The following ANKRD9 variants were observed in gnomAD, a reference collection of about 807,000 sequenced individuals.
ANKRD9 encodes the protein ankyrin repeat domain-containing protein 9.
Under a neutral mutation model 19.2 loss-of-function variants are expected in ANKRD9, and 13 were observed. That is an observed-to-expected ratio of 0.68 (90% CI 0.44 to 1.08). ANKRD9 has a LOEUF of 1.08. Ranked by LOEUF, ANKRD9 falls within the 50% of genes least tolerant of loss-of-function variation. The pLI, the probability that ANKRD9 is intolerant of heterozygous loss-of-function variation, is 0.00. For synonymous variants in ANKRD9, 278 were observed against 256.8 expected (o/e 1.08, Z -0.79); for missense variants, 518 against 499.9 (o/e 1.04, Z -0.34).
Position 102,507,233 on chromosome 14 carries a change from T to G in ANKRD9, c.657A>C (p.Ser219=), listed in dbSNP as rs1240638261. The G allele has an allele frequency of 4.8e-6, 6 of 1,253,686 alleles. No homozygotes were observed. The Admixed American group carries it at 2.7e-4, about 56-fold the overall frequency. The allele number at this position is 1,253,686 out of a possible 1,614,324, so 77.7% of individuals were successfully genotyped here. A position where few individuals can be genotyped will look rare whatever the true frequency, so the allele number is the denominator to read the frequency against. The change falls in exon 4 of 4, where the codon TCA becomes TCC. Residue 219 remains serine, a synonymous_variant. Coordinates refer to ENST00000286918, the MANE Select transcript of ANKRD9 (RefSeq NM_152326.4). The surrounding 1 kb of genome is among the most constrained non-coding windows in gnomAD (Gnocchi z 9.2). ...GGCGCTGGCGCGGCTCCCCGGGAGC[T>G]GAGGCGGGGGCTCCGGCGGCGGAGG... ...ATPSAAGAPA[S]APGEPRQRRL... is the part of the protein sequence containing the mutation.
In ANKRD9 at chr14:102,507,693, C is replaced by A; in HGVS notation, c.197G>T (p.Arg66Leu). 3.9e-6 allele frequency: 6 copies of A among 1,546,252 alleles called. No individual in the cohort carries two copies. Among genetic ancestry groups the A allele is most frequent in the Non-Finnish European group, 5.2e-6 (6 of 1,152,108 alleles). Residue 66 changes from arginine to leucine, a missense_variant, in exon 4 of 4, where the codon CGC becomes CTC. Coordinates refer to ENST00000286918, the MANE Select transcript of ANKRD9 (RefSeq NM_152326.4). This position sits in a 1 kb window ranked among gnomAD's most constrained non-coding sequence, Gnocchi z 9.2. ...SEAFHWDERG[R>L]AAAYSPSEAL... The stretch of plus-strand genomic sequence containing the variant: ...CTCAGAGGGCGAGTAGGCGGCGGCG[C>A]GCCCGCGCTCGTCCCAGTGGAAGGC...
In ANKRD9 at chr14:102,506,907, C is replaced by T; in HGVS notation, c.*29G>A. 1.4e-6 allele frequency: 2 copies of T among 1,437,140 alleles called. No homozygotes were observed. The highest frequency in any genetic ancestry group is 1.5e-5 in the South Asian group (1 of 66,600). 89.0% of individuals were successfully genotyped at this position (1,437,140 alleles called of 1,614,324 possible). On this transcript the variant is annotated 3_prime_UTR_variant, in exon 4 of 4. Coordinates refer to ENST00000286918, the MANE Select transcript of ANKRD9 (RefSeq NM_152326.4). ...AACGCTCTGAAAAATAGTTTTGTCCCAAAATCCAGCGCCTAGGGTGCTCCG... is the reference window on the plus strand; with the variant it reads ...AACGCTCTGAAAAATAGTTTTGTCCTAAAATCCAGCGCCTAGGGTGCTCCG...
In ANKRD9 at chr14:102,507,950, G is replaced by A; in HGVS notation, c.-53-8C>T. ...GATCCCGCGAAGGCACACCTGCGGG[G>A]AAAGGAAGAGGCCACGGTGAGGCGC... On this transcript the variant is annotated splice_region_variant and splice_polypyrimidine_tract_variant and intron_variant, in intron 3 of 3. Coordinates refer to ENST00000286918, the MANE Select transcript of ANKRD9 (RefSeq NM_152326.4). This position sits in a 1 kb window ranked among gnomAD's most constrained non-coding sequence, Gnocchi z 9.2. 2 of 1,093,532 alleles carry A rather than the reference G, an allele frequency of 1.8e-6. No individual in the cohort carries two copies. The highest frequency in any genetic ancestry group is 2.2e-6 in the Non-Finnish European group (2 of 889,920). 67.7% of individuals were successfully genotyped at this position (1,093,532 alleles called of 1,614,324 possible). A position where few individuals can be genotyped will look rare whatever the true frequency, so the allele number is the denominator to read the frequency against.
Position 102,507,135 on chromosome 14 carries a change from A to C in ANKRD9, c.755T>G (p.Leu252Arg). 6.8e-7 allele frequency: 1 copy of C among 1,472,760 alleles called. No homozygotes were observed. The highest frequency in any genetic ancestry group is 8.9e-7 in the Non-Finnish European group (1 of 1,119,422). The allele number at this position is 1,472,760 out of a possible 1,614,324, so 91.2% of individuals were successfully genotyped here. A position where few individuals can be genotyped will look rare whatever the true frequency, so the allele number is the denominator to read the frequency against. Residue 252 changes from leucine to arginine, a missense_variant, in exon 4 of 4, where the codon CTG becomes CGG. Coordinates refer to ENST00000286918, the MANE Select transcript of ANKRD9 (RefSeq NM_152326.4). This position sits in a 1 kb window ranked among gnomAD's most constrained non-coding sequence, Gnocchi z 9.2. ...GAAGSARQEL[L>R]GDRPRWQRLL... ...CCGCTGCCAGCGCGGCCGGTCGCCC[A>C]GCAGCTCCTGGCGGGCCGAGCCGGC...
At position 102,507,459 on chromosome 14, in the gene ANKRD9, C is replaced by G; in HGVS notation, c.431G>C (p.Arg144Pro). The G allele has an allele frequency of 1.4e-6, 2 of 1,397,196 alleles. No homozygotes were observed. The highest frequency in any genetic ancestry group is 1.9e-6 in the Non-Finnish European group (2 of 1,071,884). The allele number at this position is 1,397,196 out of a possible 1,614,324, so 86.5% of individuals were successfully genotyped here. Residue 144 changes from arginine (R) to proline (P), a missense_variant, in exon 4 of 4, where the codon CGG becomes CCG. Coordinates refer to ENST00000286918, the MANE Select transcript of ANKRD9 (RefSeq NM_152326.4). The surrounding 1 kb of genome is among the most constrained non-coding windows in gnomAD (Gnocchi z 9.2). ...GCCACGCCGGTCCAGCACGCGCGCC[C>G]GCTCCTCGGCCGGGAAGTCGCGCAA... is the stretch of plus-strand genomic sequence containing the variant. ...RTLRDFPAEE[R>P]ARVLDRRGCS...
Position 102,507,771 on chromosome 14 carries a change from G to T in ANKRD9, c.119C>A (p.Ala40Glu). Residue 40 changes from alanine to glutamate, a missense_variant, in exon 4 of 4, where the codon GCG becomes GAG. Physicochemically the swap from Ala to Glu is moderately radical, Grantham distance 107 (BLOSUM62 -1). Transcript: ENST00000286918. This position sits in a 1 kb window ranked among gnomAD's most constrained non-coding sequence, Gnocchi z 9.2. ...CCACACGGGTAGCAGGTCGCGCACCGCCTGGTAGAAGGCGAACGACGACTT... is the reference window on the plus strand; with the variant it reads ...CCACACGGGTAGCAGGTCGCGCACCTCCTGGTAGAAGGCGAACGACGACTT... ...CRKSSFAFYQ[A>E]VRDLLPVWLL... 1.3e-6 allele frequency: 2 copies of T among 1,486,458 alleles called. No individual in the cohort carries two copies. Among genetic ancestry groups the T allele is most frequent in the Non-Finnish European group, 1.8e-6 (2 of 1,118,386 alleles). 92.1% of individuals were successfully genotyped at this position (1,486,458 alleles called of 1,614,324 possible). A position where few individuals can be genotyped will look rare whatever the true frequency, so the allele number is the denominator to read the frequency against.
chr14:102,507,999 A>G lies in ANKRD9; in HGVS notation c.-53-57T>C. ...GCGGGGAAACTGGGGAGGCCCGGGG[A>G]CTCCCCTCTGCCCCTCACACAGCCC... On this transcript the variant is annotated intron_variant, in intron 3 of 3. Transcript: ENST00000286918. This position sits in a 1 kb window ranked among gnomAD's most constrained non-coding sequence, Gnocchi z 9.2. 9.7e-7 allele frequency: 1 copy of G among 1,026,132 alleles called. No individual in the cohort carries two copies. The highest frequency in any genetic ancestry group is 1.2e-6 in the Non-Finnish European group (1 of 841,730). 63.6% of individuals were successfully genotyped at this position (1,026,132 alleles called of 1,614,324 possible).
Position 102,504,302 on chromosome 14 carries a change from G to A in ANKRD9, c.*2634C>T, listed in dbSNP as rs1891525299. ...GCTGGAATTAACGAACTAAACAAAT[G>A]AACCAAGGTGCTTCACCCCCCAAAA... is the stretch of plus-strand genomic sequence containing the variant. On this transcript the variant is annotated 3_prime_UTR_variant, in exon 4 of 4. Coordinates refer to ENST00000286918, the MANE Select transcript of ANKRD9 (RefSeq NM_152326.4). 2 of 152,798 alleles carry A rather than the reference G, an allele frequency of 1.3e-5. No homozygotes were observed. The highest frequency in any genetic ancestry group is 2.9e-5 in the Non-Finnish European group (2 of 68,048). The allele number at this position is 152,798 out of a possible 1,614,324, so 9.5% of individuals were successfully genotyped here. A position where few individuals can be genotyped will look rare whatever the true frequency, so the allele number is the denominator to read the frequency against.
Position 102,507,424 on chromosome 14 carries a change from C to G in ANKRD9, c.466G>C (p.Val156Leu). The G allele has an allele frequency of 7.3e-7, 1 of 1,376,072 alleles. No individual in the cohort carries two copies. The allele number at this position is 1,376,072 out of a possible 1,614,324, so 85.2% of individuals were successfully genotyped here. A position where few individuals can be genotyped will look rare whatever the true frequency, so the allele number is the denominator to read the frequency against. Residue 156 changes from valine (V) to leucine (L), a missense_variant, in exon 4 of 4, where the codon GTG becomes CTG. By Grantham distance (32) the Val-to-Leu change is conservative. Transcript: ENST00000286918. This position sits in a 1 kb window ranked among gnomAD's most constrained non-coding sequence, Gnocchi z 9.2. Reference protein sequence around the residue: ...RVLDRRGCSRVEGGGTSLHVA... With the variant: ...RVLDRRGCSRLEGGGTSLHVA... Reference sequence around the variant, plus strand: ...TGCAGCGACGTGCCACCGCCCTCCACGCGGCTGCAGCCACGCCGGTCCAGC... The same window carrying G: ...TGCAGCGACGTGCCACCGCCCTCCAGGCGGCTGCAGCCACGCCGGTCCAGC...
Position 102,507,277 on chromosome 14 carries a change from G to A in ANKRD9, c.613C>T (p.Arg205Cys). Residue 205 changes from arginine (R) to cysteine (C), a missense_variant, in exon 4 of 4, where the codon CGC (arginine) becomes TGC (cysteine). By Grantham distance (180) the Arg-to-Cys change is radical. Transcript: ENST00000286918. This position sits in a 1 kb window ranked among gnomAD's most constrained non-coding sequence, Gnocchi z 9.2. ...GCGGAGGGAGTGGCCCCGGCGTCGC[G>A]GCCCAGCTGGCGCAGCAGCAGCTCG... The part of the protein sequence containing the change: ...PLELLLRQLG[R>C]DAGATPSAAG... 1 of 1,208,654 alleles carries A rather than the reference G, an allele frequency of 8.3e-7. No individual in the cohort carries two copies. Among genetic ancestry groups the A allele is most frequent in the Non-Finnish European group, 1.0e-6 (1 of 970,512 alleles). The allele number at this position is 1,208,654 out of a possible 1,614,324, so 74.9% of individuals were successfully genotyped here. A position where few individuals can be genotyped will look rare whatever the true frequency, so the allele number is the denominator to read the frequency against.
In ANKRD9 at chr14:102,506,750, C is replaced by G. The variant is rs1891598332; in HGVS notation, c.*186G>C. 1 of 823,980 alleles carries G rather than the reference C, an allele frequency of 1.2e-6. No individual in the cohort carries two copies. Among genetic ancestry groups the G allele is most frequent in the South Asian group, 4.9e-5 (1 of 20,616 alleles). The allele number at this position is 823,980 out of a possible 1,614,324, so 51.0% of individuals were successfully genotyped here. ...AGGGGCTGGACAGCGAGCTGAAGGC[C>G]CGAGCCCAGCTGCACCCAGAAAACC... On this transcript the variant is annotated 3_prime_UTR_variant, in exon 4 of 4. Transcript: ENST00000286918.
In ANKRD9 at chr14:102,507,568, G is replaced by T; in HGVS notation, c.322C>A (p.Arg108Ser). 7.3e-7 allele frequency: 1 copy of T among 1,364,314 alleles called. No homozygotes were observed. Among genetic ancestry groups the T allele is most frequent in the Admixed American group, 3.6e-5 (1 of 27,616 alleles). The allele number at this position is 1,364,314 out of a possible 1,614,324, so 84.5% of individuals were successfully genotyped here. ...TGCGGCCCGGGAGCCGCGCAGCAGC[G>T]GAAGCCGGCACTGGGCGGTGCGAGC... is the stretch of plus-strand genomic sequence containing the variant. ...RALAPPSAGF[R>S]CCAAPGPHVA... The change falls in exon 4 of 4, where the codon CGC (arginine) becomes AGC (serine). Residue 108 changes from arginine (R) to serine (S), a missense_variant. Arg to Ser is a moderately radical substitution (Grantham distance 110). Coordinates refer to ENST00000286918, the MANE Select transcript of ANKRD9 (RefSeq NM_152326.4). The surrounding 1 kb of genome is among the most constrained non-coding windows in gnomAD (Gnocchi z 9.2).
In ANKRD9 at chr14:102,504,635, TC is replaced by T. The variant is rs1402579098; in HGVS notation, c.*2300del. 2 of 152,046 alleles carry T rather than the reference TC, an allele frequency of 1.3e-5. No homozygotes were observed. The highest frequency in any genetic ancestry group is 2.4e-5 in the African/African-American group (1 of 41,306). The allele number at this position is 152,046 out of a possible 1,614,324, so 9.4% of individuals were successfully genotyped here. ...GGGTCTGGGAGGGGGTTGCAGGGGG[TC>T]CTGAACCACAGATCCCTGGAGACTC... is the stretch of plus-strand genomic sequence containing the variant. On this transcript the variant is annotated 3_prime_UTR_variant, in exon 4 of 4. Coordinates refer to ENST00000286918, the MANE Select transcript of ANKRD9 (RefSeq NM_152326.4).
chr14:102,507,546 G>T lies in ANKRD9; in HGVS notation c.344C>A (p.Pro115Gln). ...GTAGCGCACTGCCAGCGCCACGTGCGGCCCGGGAGCCGCGCAGCAGCGGAA... is the reference window on the plus strand; with the variant it reads ...GTAGCGCACTGCCAGCGCCACGTGCTGCCCGGGAGCCGCGCAGCAGCGGAA... ...AGFRCCAAPG[P>Q]HVALAVRYNR... is the part of the protein sequence containing the mutation. The change falls in exon 4 of 4, where the codon CCG (proline) becomes CAG (glutamine). Residue 115 changes from proline (P) to glutamine (Q), a missense_variant. Transcript: ENST00000286918. The surrounding 1 kb of genome is among the most constrained non-coding windows in gnomAD (Gnocchi z 9.2). 1 of 1,339,426 alleles carries T rather than the reference G, an allele frequency of 7.5e-7. No homozygotes were observed. The highest frequency in any genetic ancestry group is 1.7e-5 in the South Asian group (1 of 60,554). 83.0% of individuals were successfully genotyped at this position (1,339,426 alleles called of 1,614,324 possible). A position where few individuals can be genotyped will look rare whatever the true frequency, so the allele number is the denominator to read the frequency against.
Position 102,507,401 on chromosome 14 carries a change from C to T in ANKRD9, c.489G>A (p.Leu163=). 7.4e-7 allele frequency: 1 copy of T among 1,352,468 alleles called. No individual in the cohort carries two copies. The highest frequency in any genetic ancestry group is 9.5e-7 in the Non-Finnish European group (1 of 1,049,962). 83.8% of individuals were successfully genotyped at this position (1,352,468 alleles called of 1,614,324 possible). A position where few individuals can be genotyped will look rare whatever the true frequency, so the allele number is the denominator to read the frequency against. Residue 163 remains leucine (L), a synonymous_variant, in exon 4 of 4, where the codon CTG becomes CTA. Coordinates refer to ENST00000286918, the MANE Select transcript of ANKRD9 (RefSeq NM_152326.4). This position sits in a 1 kb window ranked among gnomAD's most constrained non-coding sequence, Gnocchi z 9.2. ...GGCGCGCCAGCTCACAGGCCACGTGCAGCGACGTGCCACCGCCCTCCACGC... is the reference window on the plus strand; with the variant it reads ...GGCGCGCCAGCTCACAGGCCACGTGTAGCGACGTGCCACCGCCCTCCACGC... ...CSRVEGGGTS[L]HVACELARPE... is the part of the protein sequence containing the mutation.
chr14:102,509,519 G>C lies in ANKRD9; in HGVS notation c.-335+10C>G, dbSNP rs1254318987. ...CGGCCGCGGGCGCGGCGCGGGGGAC[G>C]GGGACTCACCATGGGGGGCGCGGGG... On this transcript the variant is annotated intron_variant, in intron 1 of 3. Transcript: ENST00000286918. 8.1e-6 allele frequency: 1 copy of C among 123,078 alleles called. No individual in the cohort carries two copies. The allele number at this position is 123,078 out of a possible 1,614,324, so 7.6% of individuals were successfully genotyped here. A position where few individuals can be genotyped will look rare whatever the true frequency, so the allele number is the denominator to read the frequency against.
Position 102,507,288 on chromosome 14 carries a change from C to CGCA in ANKRD9, c.599_601dup (p.Leu200dup). The CGCA allele has an allele frequency of 3.3e-6, 4 of 1,220,272 alleles. No homozygotes were observed. Among genetic ancestry groups the CGCA allele is most frequent in the Non-Finnish European group, 4.1e-6 (4 of 976,682 alleles). The allele number at this position is 1,220,272 out of a possible 1,614,324, so 75.6% of individuals were successfully genotyped here. ...GGCCCCGGCGTCGCGGCCCAGCTGGCGCAGCAGCAGCTCGAGAGGCGTGAG... is the reference window on the plus strand; with the variant it reads ...GGCCCCGGCGTCGCGGCCCAGCTGGCGCAGCAGCAGCAGCTCGAGAGGCGTGAG... On this transcript the variant is annotated inframe_insertion, in exon 4 of 4. Transcript: ENST00000286918. This position sits in a 1 kb window ranked among gnomAD's most constrained non-coding sequence, Gnocchi z 9.2.
In ANKRD9 at chr14:102,507,969, G is replaced by A. The variant is rs1412969567; in HGVS notation, c.-53-27C>T. ...TGCGGGGAAAGGAAGAGGCCACGGT[G>A]AGGCGCGGGGAAACTGGGGAGGCCC... On this transcript the variant is annotated intron_variant, in intron 3 of 3. Coordinates refer to ENST00000286918, the MANE Select transcript of ANKRD9 (RefSeq NM_152326.4). This position sits in a 1 kb window ranked among gnomAD's most constrained non-coding sequence, Gnocchi z 9.2. The A allele has an allele frequency of 1.9e-6, 2 of 1,080,542 alleles. No individual in the cohort carries two copies. The highest frequency in any genetic ancestry group is 1.7e-5 in the African/African-American group (1 of 58,700). The allele number at this position is 1,080,542 out of a possible 1,614,324, so 66.9% of individuals were successfully genotyped here. A position where few individuals can be genotyped will look rare whatever the true frequency, so the allele number is the denominator to read the frequency against.
chr14:102,507,273 T>A lies in ANKRD9; in HGVS notation c.617A>T (p.Asp206Val), dbSNP rs1411575974. The A allele has an allele frequency of 8.3e-7, 1 of 1,209,958 alleles. No homozygotes were observed. Among genetic ancestry groups the A allele is most frequent in the African/African-American group, 1.6e-5 (1 of 61,140 alleles). 75.0% of individuals were successfully genotyped at this position (1,209,958 alleles called of 1,614,324 possible). A position where few individuals can be genotyped will look rare whatever the true frequency, so the allele number is the denominator to read the frequency against. The change falls in exon 4 of 4, where the codon GAC (aspartate) becomes GTC (valine). Residue 206 changes from aspartate (D) to valine (V), a missense_variant. Asp to Val is a radical substitution (Grantham distance 152). Transcript: ENST00000286918. The surrounding 1 kb of genome is among the most constrained non-coding windows in gnomAD (Gnocchi z 9.2). ...LELLLRQLGR[D>V]AGATPSAAGA... ...GGCGGCGGAGGGAGTGGCCCCGGCGTCGCGGCCCAGCTGGCGCAGCAGCAG... is the reference window on the plus strand; with the variant it reads ...GGCGGCGGAGGGAGTGGCCCCGGCGACGCGGCCCAGCTGGCGCAGCAGCAG...
Sources: gnomAD v4.1 joint callset for allele counts on GRCh38, gnomAD v4.1.1 for gene constraint, Gnocchi (gnomAD v3.1) non-coding constraint, MANE v1.5 for transcripts, NCBI Gene and HGNC (gene_info 2026-07-23, HGNC 2026-07-21) for gene names.